NEGR1: variants seen among roughly 807,000 people sequenced by gnomAD.
NEGR1 encodes the protein IgLON family member 4.
In NEGR1, 10 loss-of-function variants were observed where a neutral mutation model predicts 40.9. The ratio of observed to expected loss-of-function variants is 0.24; its 90% CI spans 0.15 to 0.42. The LOEUF is 0.42. NEGR1 is among the 10% of genes least tolerant of loss of function. The probability of loss-of-function intolerance (pLI) is 1.00; values close to 1 mark genes in which losing one functional copy is unlikely to be tolerated. For synonymous variants in NEGR1, 185 were observed against 166.8 expected (o/e 1.11, Z -0.84); for missense variants, 352 against 438.9 (o/e 0.80, Z 1.77).
At chr1:71,654,882 T>A (rs1305842165) in intron 4 of NEGR1, among the ~76,000 whole-genome samples, 1 of 152,130 alleles carries the variant, frequency 6.6e-6, no homozygotes, top group Non-Finnish European at 1.5e-5. Flanking sequence ...ATTTTCCCAC[T>A]GAGAAAAAAA....
chr1:72,173,236 G>A (rs1652028496), intron 1 of NEGR1, among the ~76,000 whole-genome samples: 1 of 150,666 alleles, frequency 6.6e-6, no homozygotes, highest in Admixed American at 6.7e-5. Flanking sequence ...TCAAACTCCT[G>A]AGTTCAAGCA....
intron 4 of NEGR1, among the ~76,000 whole-genome samples, chr1:71,658,448 T>A (rs748401912): frequency 5.9e-5 from 9 of 152,210 alleles, no homozygotes; most frequent in Non-Finnish European, 1.3e-4. Flanking sequence ...ATCCACATTT[T>A]CAAGTCTGTG....
intron 5 of NEGR1, among the ~76,000 whole-genome samples, chr1:71,596,697 C>T (rs1400657053): frequency 1.3e-5 from 2 of 152,190 alleles, no homozygotes; most frequent in East Asian, 1.9e-4. Flanking sequence ...AATCCAGTCT[C>T]AATCCACATT....
intron 1 of NEGR1, among the ~76,000 whole-genome samples, chr1:72,056,161 A>C (rs1647108200): frequency 6.6e-6 from 1 of 151,258 alleles, no homozygotes. Context: ...AAGAAATTCA[A>C]TAATACTTGA....
chr1:72,278,674 T>C (rs1169366979), intron 1 of NEGR1, among the ~76,000 whole-genome samples: 3 of 152,044 alleles, frequency 2.0e-5, no homozygotes, highest in Non-Finnish European at 4.4e-5. Context: ...GCACTTCCTG[T>C]TCTCTACTAG....
At chr1:71,976,139 A>C (rs1646301878) in intron 1 of NEGR1, among the ~76,000 whole-genome samples, 1 of 152,246 alleles carries the variant, frequency 6.6e-6, no homozygotes, top group Non-Finnish European at 1.5e-5. Context: ...AGACTCATGC[A>C]TAATCACAAA....
chr1:71,938,952 C>T (rs1645935148), intron 1 of NEGR1, among the ~76,000 whole-genome samples: 1 of 152,076 alleles, frequency 6.6e-6, no homozygotes, highest in African/African-American at 2.4e-5. Context: ...AGATCATCAA[C>T]AACTCCAGGC....
At chr1:71,833,580 G>A (rs1658913309) in intron 2 of NEGR1, among the ~76,000 whole-genome samples, 1 of 152,076 alleles carries the variant, frequency 6.6e-6, no homozygotes, top group Non-Finnish European at 1.5e-5. Flanking sequence ...TGAGTTGGTG[G>A]TTCTAGCAGG....
At chr1:72,134,140 A>G (rs986945386) in intron 1 of NEGR1, among the ~76,000 whole-genome samples, 7 of 151,396 alleles carry the variant, frequency 4.6e-5, no homozygotes, top group Non-Finnish European at 1.0e-4. Flanking sequence ...GTATTTAAGT[A>G]TTACTGAAAA....
In NEGR1 at chr1:71,607,395, C is replaced by G. The variant is rs148820971; in HGVS notation, c.788+3631G>C. 5.9e-3 allele frequency among the ~76,000 whole-genome samples: 900 copies of G among 152,036 alleles called. 16 individuals carry two copies. Among genetic ancestry groups the G allele is most frequent in the African/African-American group, 0.021 (874 of 41,442 alleles). On this transcript the variant is annotated intron_variant, in intron 5 of 6. Transcript: ENST00000357731. ...CATTTCAAATTAGTTTTGATAGACT[C>G]TTAAGGGCCTTGACCTACACTAGGT...
chr1:71,924,352 A>G (rs1020988960), intron 2 of NEGR1, among the ~76,000 whole-genome samples: 1 of 152,230 alleles, frequency 6.6e-6, no homozygotes, highest in Non-Finnish European at 1.5e-5. Flanking sequence ...GTGAGACTTC[A>G]TAAGTCTTTA....
At chr1:71,872,057 G>A (rs1165147992) in intron 2 of NEGR1, among the ~76,000 whole-genome samples, 1 of 151,976 alleles carries the variant, frequency 6.6e-6, no homozygotes, top group Non-Finnish European at 1.5e-5. Flanking sequence ...ATAATACAAT[G>A]GAATAAAAAT....
chr1:71,819,398 T>A (rs1333857508), intron 2 of NEGR1, among the ~76,000 whole-genome samples: 1 of 151,856 alleles, frequency 6.6e-6, no homozygotes, highest in East Asian at 1.9e-4. Flanking sequence ...AGAACAGTAA[T>A]CCTCTATTTA....
intron 2 of NEGR1, among the ~76,000 whole-genome samples, chr1:71,838,253 C>T (rs1659112913): frequency 6.6e-6 from 1 of 152,060 alleles, no homozygotes; most frequent in South Asian, 2.1e-4. Flanking sequence ...ACGCCAAAGG[C>T]AAACTGGCAC....
intron 6 of NEGR1, among the ~76,000 whole-genome samples, chr1:71,471,584 T>C (rs902125244): frequency 4.6e-5 from 7 of 151,988 alleles, no homozygotes; most frequent in Non-Finnish European, 7.4e-5. Flanking sequence ...AAGCAGAAGA[T>C]GCAGTAAGCC....
chr1:71,579,769 T>G (rs1649075343), intron 6 of NEGR1, among the ~76,000 whole-genome samples: 1 of 152,158 alleles, frequency 6.6e-6, no homozygotes, highest in Non-Finnish European at 1.5e-5. Flanking sequence ...TGTGGCTTAT[T>G]TGCCCTAATA....
At chr1:71,855,862 T>C (rs1034999627) in intron 2 of NEGR1, among the ~76,000 whole-genome samples, 1 of 151,944 alleles carries the variant, frequency 6.6e-6, no homozygotes, top group Non-Finnish European at 1.5e-5. Flanking sequence ...TATGTTGGAG[T>C]ATGTTAGAAA....
chr1:71,582,140 T>A (rs969901291), intron 6 of NEGR1, among the ~76,000 whole-genome samples: 4 of 152,238 alleles, frequency 2.6e-5, no homozygotes, highest in Admixed American at 6.5e-5. Context: ...TTGATTTTTT[T>A]AATGATATTG....
chr1:71,572,428 T>C (rs892137747), intron 6 of NEGR1, among the ~76,000 whole-genome samples: 4 of 152,204 alleles, frequency 2.6e-5, no homozygotes, highest in African/African-American at 9.7e-5. Flanking sequence ...TCTTAACACA[T>C]ACTTATTTTC....
Sources: gnomAD v4.1 joint callset for allele counts (sites outside exome capture counted in the v4.1 genomes callset) on GRCh38, gnomAD v4.1.1 for gene constraint, MANE v1.5 for transcripts, NCBI Gene and HGNC (gene_info 2026-07-23, HGNC 2026-07-21) for gene names.